Variants in EMCN observed in about 807,000 individuals in gnomAD.
EMCN encodes endomucin.
EMCN carries 37 observed loss-of-function variants against 38.4 expected under a neutral mutation model. The ratio of observed to expected loss-of-function variants is 0.96; its 90% confidence interval spans 0.74 to 1.27. The LOEUF is 1.27. EMCN is among the 50% of genes most tolerant of loss of function. The probability of loss-of-function intolerance (pLI) is 0.00; values close to 1 mark genes in which losing one functional copy is unlikely to be tolerated. For missense variants in EMCN, 318 were observed against 302.8 expected (o/e 1.05, Z -0.37); for synonymous variants, 95 against 100.8 (o/e 0.94, Z 0.35).
intron 1 of EMCN, 109 bp downstream of exon 1, chr4:100,517,742 A>C: frequency 1.0e-6 from 1 of 970,470 alleles, no homozygotes; most frequent in Non-Finnish European, 1.7e-6. Context: ...TCATCAAAGG[A>C]ATTGCTGCAT....
At chr4:100,496,561 A>G (rs1381287649) in intron 1 of EMCN, among the ~76,000 whole-genome samples, 1 of 152,212 alleles carries the variant, frequency 6.6e-6, no homozygotes, top group Middle Eastern at 3.2e-3. Context: ...ATGTTATAAT[A>G]CTACCACAAA....
At chr4:100,416,802 A>C (rs922825784) in intron 9 of EMCN, among the ~76,000 whole-genome samples, 2 of 152,196 alleles carry the variant, frequency 1.3e-5, no homozygotes, top group Non-Finnish European at 2.9e-5. Context: ...CCTGTGATAA[A>C]CATATTAAAA....
intron 1 of EMCN, among the ~76,000 whole-genome samples, chr4:100,511,376 T>A (rs1201289743): frequency 6.6e-6 from 1 of 152,188 alleles, no homozygotes; most frequent in Non-Finnish European, 1.5e-5. Flanking sequence ...TTGGGTTAAC[T>A]TGGACCGTTC....
At chr4:100,491,272 C>A (rs920955445) in intron 1 of EMCN, among the ~76,000 whole-genome samples, 2 of 152,258 alleles carry the variant, frequency 1.3e-5, no homozygotes, top group East Asian at 3.9e-4. Flanking sequence ...GATGAATCTA[C>A]TCTTACGCTA....
chr4:100,469,735 G>T (rs1187361249), intron 3 of EMCN, among the ~76,000 whole-genome samples: 7 of 152,036 alleles, frequency 4.6e-5, no homozygotes, highest in African/African-American at 1.2e-4. Context: ...AGATTAGATA[G>T]TGTAGGTATG....
At chr4:100,420,902 C>G (rs1028433543) in intron 8 of EMCN, among the ~76,000 whole-genome samples, 3 of 151,788 alleles carry the variant, frequency 2.0e-5, no homozygotes, top group African/African-American at 7.3e-5. Context: ...GATTATGGGC[C>G]CCTGAGCTGA....
intron 1 of EMCN, among the ~76,000 whole-genome samples, chr4:100,485,521 A>G (rs1728918469): frequency 6.6e-6 from 1 of 151,864 alleles, no homozygotes; most frequent in Non-Finnish European, 1.5e-5. Flanking sequence ...TATACTTTCT[A>G]TGGCAGCAAA....
chr4:100,441,870 T>C (rs1187056549), intron 5 of EMCN, among the ~76,000 whole-genome samples: 1 of 152,222 alleles, frequency 6.6e-6, no homozygotes, highest in African/African-American at 2.4e-5. Flanking sequence ...TAGTTATTTT[T>C]GACCATTTTG....
chr4:100,436,970 C>A (rs185332818), intron 5 of EMCN, among the ~76,000 whole-genome samples: 1 of 152,128 alleles, frequency 6.6e-6, no homozygotes, highest in Non-Finnish European at 1.5e-5. Context: ...CATCACGGCA[C>A]ACGTTTATCT....
intron 4 of EMCN, 70 bp downstream of exon 4, chr4:100,465,352 TG>T: frequency 1.2e-6 from 1 of 838,234 alleles, no homozygotes. Context: ...AGTTGTATGC[TG>T]GAAAACATTC....
intron 8 of EMCN, among the ~76,000 whole-genome samples, chr4:100,420,988 T>C (rs1238322611): frequency 6.6e-6 from 1 of 151,986 alleles, no homozygotes; most frequent in African/African-American, 2.4e-5. Flanking sequence ...AGTTATGTCA[T>C]TGTTATGCCC....
At chr4:100,467,474 C>T (rs1295104724) in intron 3 of EMCN, among the ~76,000 whole-genome samples, 2 of 151,568 alleles carry the variant, frequency 1.3e-5, no homozygotes, top group African/African-American at 4.8e-5. Context: ...GTCAGGAGAT[C>T]GAGACCATCC....
intron 3 of EMCN, among the ~76,000 whole-genome samples, chr4:100,470,949 A>C (rs1402570709): frequency 6.6e-6 from 1 of 152,038 alleles, no homozygotes; most frequent in Non-Finnish European, 1.5e-5. Flanking sequence ...AATGCAGAGA[A>C]AGCAATGGAA....
chr4:100,492,859 T>C (rs1027853866), intron 1 of EMCN, among the ~76,000 whole-genome samples: 1 of 151,930 alleles, frequency 6.6e-6, no homozygotes, highest in East Asian at 1.9e-4. Context: ...CTGGGGGCCA[T>C]GTTGCCCAAT....
At chr4:100,471,009 A>G (rs1287669200) in intron 3 of EMCN, among the ~76,000 whole-genome samples, 3 of 152,018 alleles carry the variant, frequency 2.0e-5, no homozygotes. Flanking sequence ...GAATAATCTC[A>G]ATCAAAATCC....
intron 3 of EMCN, among the ~76,000 whole-genome samples, chr4:100,473,313 C>G (rs772348558): frequency 1.7e-4 from 26 of 148,588 alleles, no homozygotes; most frequent in Non-Finnish European, 3.0e-4. Flanking sequence ...AGGTGTGAGC[C>G]ACTGCACCCG....
chr4:100,467,124 A>G (rs1728338233), intron 3 of EMCN, among the ~76,000 whole-genome samples: 2 of 152,180 alleles, frequency 1.3e-5, no homozygotes, highest in Non-Finnish European at 1.5e-5. Context: ...AATGTGGAAT[A>G]TACTTCACAA....
At chr4:100,488,153 T>C (rs1387258193) in intron 1 of EMCN, among the ~76,000 whole-genome samples, 5 of 152,226 alleles carry the variant, frequency 3.3e-5, no homozygotes, top group African/African-American at 1.2e-4. Context: ...AAAGTGACTA[T>C]TGAGCAATGT....
At chr4:100,416,403 A>C (rs976954585) in intron 9 of EMCN, among the ~76,000 whole-genome samples, 1 of 152,106 alleles carries the variant, frequency 6.6e-6, no homozygotes, top group Non-Finnish European at 1.5e-5. Flanking sequence ...CCTTTTCCTG[A>C]AGTTCTGAGA....
Sources: gnomAD v4.1 joint callset for allele counts (sites outside exome capture counted in the v4.1 genomes callset) on GRCh38, gnomAD v4.1.1 for gene constraint, MANE v1.5 for transcripts, NCBI Gene and HGNC (gene_info 2026-07-23, HGNC 2026-07-21) for gene names.